Variants in UBXN1 observed in about 807,000 individuals in gnomAD.
UBXN1 encodes UBX domain-containing protein 1.
In UBXN1, 21 loss-of-function variants were observed where a neutral mutation model predicts 42.0. The observed-to-expected ratio is 0.50, with a 90% CI of 0.35 to 0.72. The LOEUF (loss-of-function observed/expected upper bound fraction) is 0.72. UBXN1 is among the 30% of genes least tolerant of loss of function. The probability of loss-of-function intolerance (pLI) is 0.00; values close to 1 mark genes in which losing one functional copy is unlikely to be tolerated. For synonymous variants in UBXN1, 172 were observed against 142.6 expected, an observed-to-expected ratio of 1.21 and a Z score of -1.47; for missense variants, 374 against 382.2, an observed-to-expected ratio of 0.98 and a Z score of 0.18.
chr11:62,678,211 AAGTAGATT>A, intron 4 of UBXN1, 93 bp from the exon 5 acceptor site: 1 of 1,604,048 alleles, frequency 6.2e-7, no homozygotes, highest in Non-Finnish European at 8.5e-7. Context: ...ATATATCCCA[AAGTAGATT>A]AAAGGAAAAG....
Position 62,678,860 on chromosome 11 carries a change from C to A in UBXN1, c.59+5G>T. 1 of 1,606,258 alleles carries A rather than the reference C, an allele frequency of 6.2e-7. No homozygotes were observed. The highest frequency in any genetic ancestry group is 1.3e-5 in the African/African-American group (1 of 74,906). On this transcript the variant is annotated splice_donor_5th_base_variant and intron_variant, in intron 1 of 8. Transcript: ENST00000301935. ...CCGCAGGCCGGGGTTGGGGAACTCC[C>A]TTACGCGCGTCCCCTGGGGAAGCCC... is the stretch of plus-strand genomic sequence containing the variant.
At position 62,678,498 on chromosome 11, in the gene UBXN1, C is replaced by G; in HGVS notation, c.217G>C (p.Glu73Gln). ...EPTSSEQGGL[E>Q]GSGSAAGEGK... ...ACCGTGGACCCTCAGTCAGGACCTT[C>G]AAGGCCGCCTTGCTCTGAGGAAGTG... Residue 73 changes from glutamate to glutamine, a missense_variant, in exon 3 of 9, where the codon GAA becomes CAA. Physicochemically the swap from Glu to Gln is conservative, Grantham distance 29. Transcript: ENST00000301935. The G allele has an allele frequency of 6.2e-7, 1 of 1,612,462 alleles. No individual in the cohort carries two copies. Among genetic ancestry groups the G allele is most frequent in the Non-Finnish European group, 8.5e-7 (1 of 1,179,438 alleles).
In UBXN1 at chr11:62,676,915, C is replaced by T. The variant is rs777214494; in HGVS notation, c.742G>A (p.Gly248Arg). Reference protein sequence around the residue: ...AVRLYVELHRGEELGGGQDPV... With the variant: ...AVRLYVELHRREELGGGQDPV... ...TCCTGGCCCCCACCTAGTTCCTCCC[C>T]ACGGTGGAGCTCCACATAGAGCCTC... Residue 248 changes from glycine to arginine, a missense_variant, in exon 8 of 9, where the codon GGG (glycine) becomes AGG (arginine). Physicochemically the swap from Gly to Arg is moderately radical, Grantham distance 125. Transcript: ENST00000301935. The T allele has an allele frequency of 6.2e-7, 1 of 1,613,640 alleles. No homozygotes were observed. The highest frequency in any genetic ancestry group is 8.5e-7 in the Non-Finnish European group (1 of 1,180,046).
At chr11:62,678,659 C>A (rs1945084921) in intron 2 of UBXN1, 31 bp downstream of exon 2, 1 of 1,576,192 alleles carries the variant, frequency 6.3e-7, no homozygotes, top group South Asian at 1.1e-5. Flanking sequence ...CGCCAGCCCC[C>A]AATTCTCCGC....
At chr11:62,678,266 G>T (rs772388946) in intron 4 of UBXN1, 73 bp downstream of exon 4, 1 of 1,610,704 alleles carries the variant, frequency 6.2e-7, no homozygotes, top group Non-Finnish European at 8.5e-7. Flanking sequence ...AAAGGTCAAG[G>T]TTCTTTGACC....
At position 62,677,531 on chromosome 11, in the gene UBXN1, T is replaced by C. The variant is rs762021981; in HGVS notation, c.638A>G (p.Gln213Arg). 2.0e-5 allele frequency: 32 copies of C among 1,614,174 alleles called. No individual in the cohort carries two copies. The highest frequency in any genetic ancestry group is 2.5e-5 in the Non-Finnish European group (29 of 1,180,022). ...TAGAATCAGTACCTGTATGCGACAC[T>C]GGTCATACTCCCGCTTGGTGGGAGG... ...QEPPTKREYD[Q>R]CRIQVRLPDG... Residue 213 changes from glutamine to arginine, a missense_variant, in exon 7 of 9, where the codon CAG (glutamine) becomes CGG (arginine). Transcript: ENST00000301935.
chr11:62,676,879 A>G lies in UBXN1; in HGVS notation c.778T>C (p.Leu260=), dbSNP rs779016263. 6.8e-6 allele frequency: 11 copies of G among 1,613,890 alleles called. No individual in the cohort carries two copies. Among genetic ancestry groups the G allele is most frequent in the Non-Finnish European group, 9.3e-6 (11 of 1,180,032 alleles). The change falls in exon 8 of 9, where the codon TTG becomes CTG. Residue 260 remains leucine (L), a synonymous_variant. Transcript: ENST00000301935. ...GCCCGTCTGGGGAAGCCACTGAGCA[A>G]TTGCACAGGGTCCTGGCCCCCACCT... ...ELGGGQDPVQ[L]LSGFPRRAFS...
At chr11:62,678,202 T>C (rs752218312) in intron 4 of UBXN1, 84 bp from the exon 5 acceptor site, 4 of 1,602,598 alleles carry the variant, frequency 2.5e-6, no homozygotes, top group Middle Eastern at 1.7e-4. Flanking sequence ...TTAGGCGACA[T>C]ATATCCCAAA....
Position 62,677,548 on chromosome 11 carries a change from G to C in UBXN1, c.621C>G (p.Thr207=), listed in dbSNP as rs776176257. 1.2e-6 allele frequency: 2 copies of C among 1,614,184 alleles called. No homozygotes were observed. The highest frequency in any genetic ancestry group is 3.3e-5 in the Admixed American group (2 of 60,008). Residue 207 remains threonine, a synonymous_variant, in exon 7 of 9, where the codon ACC becomes ACG. Transcript: ENST00000301935. ...TGCGACACTGGTCATACTCCCGCTT[G>C]GTGGGAGGCTCCTGGCTGGGAGAAG... ...VPSSPSQEPP[T]KREYDQCRIQ...
rs1945072091 is a variant in UBXN1 at position 62,678,340 on chromosome 11, T to A, written c.289A>T (p.Arg97Trp). 1.2e-6 allele frequency: 2 copies of A among 1,614,178 alleles called. No homozygotes were observed. Among genetic ancestry groups the A allele is most frequent in the Non-Finnish European group, 1.7e-6 (2 of 1,180,030 alleles). The part of the protein sequence containing the change: ...SEEERQEQTK[R>W]MLELVAQKQR... Reference sequence around the variant, plus strand: ...CACGTGAGATTGTTGTTACTGTACCTCTTAGTTTGTTCCTGTCTTTCCTCT... The same window carrying A: ...CACGTGAGATTGTTGTTACTGTACCACTTAGTTTGTTCCTGTCTTTCCTCT... Residue 97 changes from arginine (R) to tryptophan (W), a missense_variant and splice_region_variant, in exon 4 of 9, where the codon AGG becomes TGG. By Grantham distance (101) the Arg-to-Trp change is moderately radical. Transcript: ENST00000301935.
chr11:62,677,648 T>C lies in UBXN1; in HGVS notation c.535-14A>G. ...ACTGCCACCATACTAAAGGGCAAAG[T>C]AAAACAGTCAATCAGGTACTCACCC... On this transcript the variant is annotated splice_polypyrimidine_tract_variant and intron_variant, in intron 6 of 8. Transcript: ENST00000301935. 6.2e-7 allele frequency: 1 copy of C among 1,611,920 alleles called. No individual in the cohort carries two copies. Among genetic ancestry groups the C allele is most frequent in the African/African-American group, 1.3e-5 (1 of 74,844 alleles).
chr11:62,677,452 C>A, intron 7 of UBXN1, 66 bp downstream of exon 7: 1 of 1,533,484 alleles, frequency 6.5e-7, no homozygotes, highest in South Asian at 1.1e-5. Flanking sequence ...GAAAAAAGCT[C>A]TGAGCTGGGC....
In UBXN1 at chr11:62,678,684, G is replaced by T; in HGVS notation, c.113+6C>A. 1 of 1,591,426 alleles carries T rather than the reference G, an allele frequency of 6.3e-7. No individual in the cohort carries two copies. Among genetic ancestry groups the T allele is most frequent in the Non-Finnish European group, 8.6e-7 (1 of 1,168,378 alleles). On this transcript the variant is annotated splice_donor_region_variant and intron_variant, in intron 2 of 8. Coordinates refer to ENST00000301935, the MANE Select transcript of UBXN1 (RefSeq NM_001286077.2). Reference sequence around the variant, plus strand: ...CAATTCTCCGCCACCCGGGACGAGCGCTTACCAGTCCATCGCAGCCTCGAT... The same window carrying T: ...CAATTCTCCGCCACCCGGGACGAGCTCTTACCAGTCCATCGCAGCCTCGAT...
Position 62,677,977 on chromosome 11 carries a change from G to C in UBXN1, c.432C>G (p.Arg144=). 6.2e-7 allele frequency: 1 copy of C among 1,614,098 alleles called. No individual in the cohort carries two copies. The change falls in exon 5 of 9, where the codon CGC becomes CGG. Residue 144 remains arginine (R), a synonymous_variant. Coordinates refer to ENST00000301935, the MANE Select transcript of UBXN1 (RefSeq NM_001286077.2). ...CCCTCCGCCTCTCCTCAGCAGCCCG[G>C]CGCATCTCATCTTCCTGTAGCCGCT... ...ARQRLQEDEM[R]RAAEERRREK... is the part of the protein sequence containing the mutation.
chr11:62,678,246 G>C, intron 4 of UBXN1, 93 bp downstream of exon 4: 7 of 1,605,080 alleles, frequency 4.4e-6, no homozygotes, highest in Non-Finnish European at 6.0e-6. Flanking sequence ...CCAAGAAAGA[G>C]GAAATGTGGA....
At position 62,678,559 on chromosome 11, in the gene UBXN1, T is replaced by C. The variant is rs1945080900; in HGVS notation, c.156A>G (p.Leu52=). The C allele has an allele frequency of 1.2e-6, 2 of 1,611,780 alleles. No individual in the cohort carries two copies. Among genetic ancestry groups the C allele is most frequent in the African/African-American group, 1.3e-5 (1 of 74,878 alleles). ...CCAGGATATGTCCAAGGGGAGTCTC[T>C]AAAGGCTCGTCCACATCGGGGTCGT... ...HEDDPDVDEP[L]ETPLGHILGR... is the part of the protein sequence containing the mutation. Residue 52 remains leucine, a synonymous_variant, in exon 3 of 9, where the codon TTA becomes TTG. Coordinates refer to ENST00000301935, the MANE Select transcript of UBXN1 (RefSeq NM_001286077.2).
At position 62,678,675 on chromosome 11, in the gene UBXN1, G is replaced by A. The variant is rs2134674075; in HGVS notation, c.113+15C>T. On this transcript the variant is annotated intron_variant, in intron 2 of 8. Coordinates refer to ENST00000301935, the MANE Select transcript of UBXN1 (RefSeq NM_001286077.2). ...GCCAGCCCCCAATTCTCCGCCACCC[G>A]GGACGAGCGCTTACCAGTCCATCGC... The A allele has an allele frequency of 1.5e-6, 1 of 674,194 alleles. No individual in the cohort carries two copies. Among genetic ancestry groups the A allele is most frequent in the Non-Finnish European group, 2.5e-6 (1 of 405,972 alleles). 41.8% of individuals were successfully genotyped at this position (674,194 alleles called of 1,614,324 possible).
chr11:62,677,178 G>A, intron 7 of UBXN1, 173 bp from the exon 8 acceptor site: 1 of 706,270 alleles, frequency 1.4e-6, no homozygotes, highest in South Asian at 2.0e-5. Context: ...GTGCGGATGA[G>A]AGACTCCCAG....
rs897017994 is a variant in UBXN1 at position 62,678,919 on chromosome 11, G to T, written c.5C>A (p.Ala2Glu). The change falls in exon 1 of 9, where the codon GCG (alanine) becomes GAG (glutamate). Residue 2 changes from alanine to glutamate, a missense_variant. Ala to Glu is a moderately radical substitution (Grantham distance 107). Coordinates refer to ENST00000301935, the MANE Select transcript of UBXN1 (RefSeq NM_001286077.2). Reference protein sequence around the residue: MAELTALESLIE... With the variant: MEELTALESLIE... The stretch of plus-strand genomic sequence containing the variant: ...GAGACTCTCAAGAGCCGTCAGCTCC[G>T]CCATGGCGCCGACACCGCGGCTTCC... The T allele has an allele frequency of 6.3e-7, 1 of 1,588,400 alleles. No individual in the cohort carries two copies. Among genetic ancestry groups the T allele is most frequent in the Non-Finnish European group, 8.5e-7 (1 of 1,170,784 alleles).
Sources: gnomAD v4.1 joint callset for allele counts on GRCh38, gnomAD v4.1.1 for gene constraint, MANE v1.5 for transcripts, NCBI Gene and HGNC (gene_info 2026-07-23, HGNC 2026-07-21) for gene names.